ADGRB3: variants seen among roughly 807,000 people sequenced by gnomAD.
ADGRB3 encodes adhesion G protein-coupled receptor B3, also known as brain-specific angiogenesis inhibitor 3.
In ADGRB3, 37 loss-of-function variants were observed where a neutral mutation model predicts 193.4. The observed-to-expected ratio is 0.19, with a 90% CI of 0.15 to 0.25. ADGRB3 has a LOEUF of 0.25. Among genes scored for constraint, ADGRB3 ranks in the 10% least tolerant of loss-of-function variants. The pLI, the probability that ADGRB3 is intolerant of heterozygous loss-of-function variation, is 1.00. For missense variants in ADGRB3, 1,637 were observed against 1,852.9 expected (o/e 0.88, Z 2.14); for synonymous variants, 690 against 644.2 (o/e 1.07, Z -1.08).
chr6:68,727,401 T>C (rs1202892070), intron 3 of ADGRB3, among the ~76,000 whole-genome samples: 1 of 151,554 alleles, frequency 6.6e-6, no homozygotes, highest in African/African-American at 2.4e-5. Context: ...TGAATGTAAT[T>C]AAGGTTATAT....
intron 3 of ADGRB3, among the ~76,000 whole-genome samples, chr6:68,755,646 C>A (rs560838936): frequency 6.6e-6 from 1 of 152,212 alleles, no homozygotes; most frequent in South Asian, 2.1e-4. Context: ...CAGAGATCAA[C>A]CCAGGGGACT....
chr6:69,149,739 G>C (rs945602074), intron 17 of ADGRB3, among the ~76,000 whole-genome samples: 1 of 152,066 alleles, frequency 6.6e-6, no homozygotes, highest in South Asian at 2.1e-4. Flanking sequence ...ACCTAAGTCT[G>C]GGTCACTGCA....
chr6:68,744,971 A>T lies in ADGRB3; in HGVS notation c.757+105539A>T, dbSNP rs183322078. Among the ~76,000 whole-genome samples the T allele has an allele frequency of 3.2e-3, 484 of 152,238 alleles. 3 individuals carry two copies. Among genetic ancestry groups the T allele is most frequent in the African/African-American group, 0.011 (462 of 41,560 alleles). ...TAAAGCAATTTTGTAACAAAGCAGGAATAGGCCTCAAATACAATAAAAAAG... is the reference window on the plus strand; with the variant it reads ...TAAAGCAATTTTGTAACAAAGCAGGTATAGGCCTCAAATACAATAAAAAAG... On this transcript the variant is annotated intron_variant, in intron 3 of 31. Coordinates refer to ENST00000370598, the MANE Select transcript of ADGRB3 (RefSeq NM_001704.3).
At position 69,031,037 on chromosome 6, in the gene ADGRB3, C is replaced by CTTCTCT. The variant is rs1227663004; in HGVS notation, c.2107+12539_2107+12540insTCTCTT. Among the ~76,000 whole-genome samples the CTTCTCT allele has an allele frequency of 2.2e-4, 8 of 36,558 alleles. 1 individual carries two copies. Among genetic ancestry groups the CTTCTCT allele is most frequent in the African/African-American group, 9.4e-4 (7 of 7,408 alleles). The allele number at this position is 36,558 out of a possible 152,430, so 24.0% of individuals were successfully genotyped here. A position where few individuals can be genotyped will look rare whatever the true frequency, so the allele number is the denominator to read the frequency against. On this transcript the variant is annotated intron_variant, in intron 13 of 31. Coordinates refer to ENST00000370598, the MANE Select transcript of ADGRB3 (RefSeq NM_001704.3). ...TTTCTTTTTTTTTTCCTCTTCTCTT[C>CTTCTCT]TCTCTTCTCTTCTCTTCTCTTCTCT...
intron 20 of ADGRB3, among the ~76,000 whole-genome samples, chr6:69,303,558 C>A (rs1047638495): frequency 6.6e-6 from 1 of 152,046 alleles, no homozygotes; most frequent in Non-Finnish European, 1.5e-5. Flanking sequence ...CTCTTGCTGG[C>A]TATGTCCTGC....
At chr6:69,058,738 A>G (rs1370430427) in intron 15 of ADGRB3, among the ~76,000 whole-genome samples, 3 of 151,996 alleles carry the variant, frequency 2.0e-5, no homozygotes, top group Non-Finnish European at 4.4e-5. Flanking sequence ...TGATTTCTAC[A>G]TATTTCTCAA....
chr6:68,867,947 T>C (rs1015641344), intron 3 of ADGRB3, among the ~76,000 whole-genome samples: 6 of 152,216 alleles, frequency 3.9e-5, no homozygotes, highest in Non-Finnish European at 7.3e-5. Flanking sequence ...TACAGGCTCA[T>C]AGGCCAAAAG....
intron 29 of ADGRB3, among the ~76,000 whole-genome samples, chr6:69,369,238 T>G (rs1034280196): frequency 6.6e-6 from 1 of 152,160 alleles, no homozygotes; most frequent in Non-Finnish European, 1.5e-5. Flanking sequence ...GAAAGACATT[T>G]GAATAAACAT....
chr6:69,297,356 CTCTCTCTCTCTT>C (rs1288577066), intron 20 of ADGRB3, among the ~76,000 whole-genome samples: 9 of 124,162 alleles, frequency 7.2e-5, no homozygotes, highest in Admixed American at 4.9e-4. Context: ...CTCTCTCTCT[CTCTCTCTCTCTT>C]TCTCTCTCTC....
chr6:68,997,307 G>T, intron 11 of ADGRB3, among the ~76,000 whole-genome samples: 1 of 151,840 alleles, frequency 6.6e-6, no homozygotes, highest in East Asian at 1.9e-4. Context: ...AAACCATGAA[G>T]ACCTTGAAAA....
At chr6:69,277,284 C>A (rs927743207) in intron 20 of ADGRB3, among the ~76,000 whole-genome samples, 8 of 152,132 alleles carry the variant, frequency 5.3e-5, no homozygotes, top group African/African-American at 1.9e-4. Flanking sequence ...TGAGCCATGG[C>A]GCCTGGCCCA....
At chr6:68,931,473 T>C (rs1213701131) in intron 4 of ADGRB3, among the ~76,000 whole-genome samples, 1 of 152,134 alleles carries the variant, frequency 6.6e-6, no homozygotes, top group African/African-American at 2.4e-5. Context: ...GTTTCAACTT[T>C]GTTATGTAAA....
chr6:68,849,298 A>G (rs888255384), intron 3 of ADGRB3, among the ~76,000 whole-genome samples: 4 of 151,934 alleles, frequency 2.6e-5, no homozygotes, highest in East Asian at 3.9e-4. Flanking sequence ...AATGACCACA[A>G]TGTAGACTAG....
At chr6:69,257,161 G>T (rs951404292) in intron 20 of ADGRB3, among the ~76,000 whole-genome samples, 36 of 152,170 alleles carry the variant, frequency 2.4e-4, no homozygotes, top group East Asian at 9.6e-4. Flanking sequence ...GGTCTAAAAT[G>T]CTCTTTTTTG....
intron 3 of ADGRB3, among the ~76,000 whole-genome samples, chr6:68,916,215 T>C (rs1348249597): frequency 2.6e-5 from 4 of 152,088 alleles, no homozygotes; most frequent in African/African-American, 9.7e-5. Context: ...AAAACAGGAC[T>C]ACTAAAAATT....
intron 13 of ADGRB3, among the ~76,000 whole-genome samples, chr6:69,030,314 CAT>C (rs1278709236): frequency 6.6e-6 from 1 of 152,100 alleles, no homozygotes; most frequent in African/African-American, 2.4e-5. Context: ...CACATGCACA[CAT>C]ATGTTTATTG....
chr6:69,300,263 A>C (rs901690230), intron 20 of ADGRB3, among the ~76,000 whole-genome samples: 1 of 151,830 alleles, frequency 6.6e-6, no homozygotes, highest in Non-Finnish European at 1.5e-5. Flanking sequence ...TAATGAAATT[A>C]AACATTCCGT....
intron 17 of ADGRB3, among the ~76,000 whole-genome samples, chr6:69,191,001 A>G (rs1018000403): frequency 1.3e-5 from 2 of 152,192 alleles, no homozygotes; most frequent in African/African-American, 4.8e-5. Context: ...GCCTAATGAT[A>G]TAATTCTCAG....
At chr6:69,252,297 G>C (rs1031275193) in intron 20 of ADGRB3, among the ~76,000 whole-genome samples, 1 of 152,150 alleles carries the variant, frequency 6.6e-6, no homozygotes, top group African/African-American at 2.4e-5. Context: ...TGTTTATCCA[G>C]TTTCCAATTG....
Sources: allele counts gnomAD v4.1 joint callset (sites outside exome capture counted in the v4.1 genomes callset), GRCh38; gene constraint gnomAD v4.1.1; transcripts MANE v1.5; gene names NCBI Gene and HGNC (gene_info 2026-07-23, HGNC 2026-07-21).